DCDC1: variants seen among roughly 807,000 people sequenced by gnomAD.
The protein encoded by DCDC1 is doublecortin domain containing 1, also known as doublecortin domain-containing protein 1.
DCDC1 carries 200 observed loss-of-function variants against 178.3 expected under a neutral mutation model. That is an observed-to-expected ratio of 1.12 (90% CI 1.00 to 1.26). DCDC1 has a LOEUF of 1.26. DCDC1 is among the 50% of genes most tolerant of loss of function. The pLI is 0.00. For missense variants in DCDC1, 1,983 were observed against 1,749.2 expected (o/e 1.13, Z -2.38); for synonymous variants, 690 against 604.8 (o/e 1.14, Z -2.07).
intron 20 of DCDC1, among the ~76,000 whole-genome samples, chr11:31,012,954 T>C (rs1952262479): frequency 6.6e-6 from 1 of 152,148 alleles, no homozygotes; most frequent in Non-Finnish European, 1.5e-5. Flanking sequence ...GATCAGGAAA[T>C]GGTACACTGG....
Position 30,864,552 on chromosome 11 carries a change from G to T in DCDC1, c.*821C>A, listed in dbSNP as rs1940835024. 6.6e-6 allele frequency: 1 copy of T among 152,232 alleles called. No individual in the cohort carries two copies. Among genetic ancestry groups the T allele is most frequent in the South Asian group, 2.1e-4 (1 of 4,832 alleles). 9.4% of individuals were successfully genotyped at this position (152,232 alleles called of 1,614,324 possible). On this transcript the variant is annotated 3_prime_UTR_variant, in exon 39 of 39. Coordinates refer to ENST00000684477, the MANE Select transcript of DCDC1 (RefSeq NM_001387274.1). ...ATTCCCATTGTACTGTTGTAATTTTGGTTTGCGGCTCAGGCCAAGAGTAGA... is the reference window on the plus strand; with the variant it reads ...ATTCCCATTGTACTGTTGTAATTTTTGTTTGCGGCTCAGGCCAAGAGTAGA...
intron 1 of DCDC1, among the ~76,000 whole-genome samples, chr11:31,347,519 T>G (rs1374435047): frequency 1.3e-5 from 2 of 152,144 alleles, no homozygotes; most frequent in African/African-American, 2.4e-5. Context: ...ATTAACATGT[T>G]CATTTCATAC....
intron 20 of DCDC1, chr11:30,992,743 C>G (rs530681386): frequency 6.6e-6 from 1 of 152,096 alleles, no homozygotes; most frequent in African/African-American, 2.4e-5. Context: ...AGTCCAAAGT[C>G]TAGACATCTG....
chr11:31,234,220 A>C (rs1316580389), intron 9 of DCDC1, among the ~76,000 whole-genome samples: 1 of 152,164 alleles, frequency 6.6e-6, no homozygotes, highest in Non-Finnish European at 1.5e-5. Flanking sequence ...TATTTTAGGG[A>C]GGTTATGTAA....
rs572762720 is a variant in DCDC1, at chr11:30,960,764, TACTTGAAAACAC to T, written c.2592-8208_2592-8197del. Reference sequence around the variant, plus strand: ...AAACATCTCAGGCTTTGGAAGGACCTACTTGAAAACACTCATGTATACACACAGCCCACAAGG... The same window carrying T: ...AAACATCTCAGGCTTTGGAAGGACCTTCATGTATACACACAGCCCACAAGG... On this transcript the variant is annotated intron_variant, in intron 20 of 38. Transcript: ENST00000684477. Among the ~76,000 whole-genome samples the T allele has an allele frequency of 7.2e-3, 1,096 of 152,224 alleles. 5 individuals carry two copies. Among genetic ancestry groups the T allele is most frequent in the Admixed American group, 9.4e-3 (143 of 15,260 alleles).
At chr11:31,226,453 C>G (rs931774693) in intron 9 of DCDC1, among the ~76,000 whole-genome samples, 3 of 151,412 alleles carry the variant, frequency 2.0e-5, no homozygotes, top group African/African-American at 7.3e-5. Context: ...AGAAGGTAAA[C>G]CCCCGAATAA....
intron 9 of DCDC1, chr11:31,156,123 G>A (rs904099437): frequency 5.3e-5 from 8 of 152,060 alleles, no homozygotes; most frequent in African/African-American, 1.9e-4. Context: ...CAAAAACAAG[G>A]ATAAAATATA....
intron 7 of DCDC1, among the ~76,000 whole-genome samples, chr11:31,268,583 C>T (rs1416180648): frequency 6.6e-6 from 1 of 152,198 alleles, no homozygotes; most frequent in African/African-American, 2.4e-5. Context: ...CATAGTATTC[C>T]ATGGTGCATA....
Position 30,878,538 on chromosome 11 carries a change from C to CTA in DCDC1, c.*40+4_*40+5dup. On this transcript the variant is annotated splice_donor_region_variant and intron_variant, in intron 38 of 38. Transcript: ENST00000684477. Reference sequence around the variant, plus strand: ...AACAAACATGAGTATGTGCACATAGCTATACCAGAAAAATACAGCAGAAAA... The same window carrying CTA: ...AACAAACATGAGTATGTGCACATAGCTATATACCAGAAAAATACAGCAGAAAA... 3.8e-6 allele frequency: 6 copies of CTA among 1,559,932 alleles called. No homozygotes were observed. Among genetic ancestry groups the CTA allele is most frequent in the Non-Finnish European group, 5.2e-6 (6 of 1,157,456 alleles).
intron 1 of DCDC1, among the ~76,000 whole-genome samples, chr11:31,362,746 GAT>G (rs1277208282): frequency 2.0e-5 from 3 of 152,096 alleles, no homozygotes; most frequent in Admixed American, 6.6e-5. Flanking sequence ...TTAAAAATAT[GAT>G]ATTTTGTGGA....
chr11:30,980,450 A>T (rs758797960), intron 20 of DCDC1, among the ~76,000 whole-genome samples: 2 of 152,192 alleles, frequency 1.3e-5, no homozygotes, highest in Non-Finnish European at 2.9e-5. Flanking sequence ...TCATGCTACT[A>T]GTGTACAACT....
chr11:31,112,176 AATTCTCCAAACTG>A (rs1398730779), intron 11 of DCDC1, among the ~76,000 whole-genome samples: 5 of 152,172 alleles, frequency 3.3e-5, no homozygotes, highest in Non-Finnish European at 5.9e-5. Context: ...AAAACCTAAA[AATTCTCCAAACTG>A]AAATCTTAAG....
chr11:31,328,351 CTGGG>C lies in DCDC1; in HGVS notation c.-6-69_-6-66del, dbSNP rs1262028469. ...AATCCTACTAGATTACAAATAGAGGCTGGGCATTAAACACAACTTACTTGTCATC... is the reference window on the plus strand; with the variant it reads ...AATCCTACTAGATTACAAATAGAGGCCATTAAACACAACTTACTTGTCATC... On this transcript the variant is annotated intron_variant, in intron 2 of 38. Coordinates refer to ENST00000684477, the MANE Select transcript of DCDC1 (RefSeq NM_001387274.1). The C allele has an allele frequency of 7.6e-6, 11 of 1,451,780 alleles. No homozygotes were observed. In the Middle Eastern group the frequency reaches 7.9e-4, roughly 104 times the overall value. The allele number at this position is 1,451,780 out of a possible 1,614,324, so 89.9% of individuals were successfully genotyped here. A position where few individuals can be genotyped will look rare whatever the true frequency, so the allele number is the denominator to read the frequency against.
intron 9 of DCDC1, among the ~76,000 whole-genome samples, chr11:31,150,601 T>C (rs1965066732): frequency 6.6e-6 from 1 of 152,188 alleles, no homozygotes; most frequent in Non-Finnish European, 1.5e-5. Flanking sequence ...TCTTTCTATC[T>C]GTATAAAGAG....
chr11:31,104,236 G>C (rs79849641), intron 13 of DCDC1, among the ~76,000 whole-genome samples: 2,272 of 152,188 alleles, frequency 0.015, 49 homozygotes, highest in African/African-American at 0.051. Context: ...ACTGTTTTAA[G>C]TGAATTTGGA....
chr11:31,135,021 T>A (rs1178501072), intron 10 of DCDC1, among the ~76,000 whole-genome samples: 1 of 152,108 alleles, frequency 6.6e-6, no homozygotes, highest in African/African-American at 2.4e-5. Context: ...TTTAAAAAAA[T>A]TTTAAAAAAG....
intron 20 of DCDC1, among the ~76,000 whole-genome samples, chr11:31,034,806 A>G (rs899033321): frequency 6.6e-5 from 10 of 152,322 alleles, no homozygotes; most frequent in Admixed American, 4.6e-4. Context: ...GTCATGAAAT[A>G]CATTCTGATT....
Position 31,306,335 on chromosome 11 carries a change from A to C in DCDC1, c.488T>G (p.Leu163Trp). 6.2e-7 allele frequency: 1 copy of C among 1,610,128 alleles called. No individual in the cohort carries two copies. Among genetic ancestry groups the C allele is most frequent in the African/African-American group, 1.3e-5 (1 of 74,798 alleles). ...KFQSARNWQKLSQRHKLQPRV... is the reference protein window; with the variant it reads ...KFQSARNWQKWSQRHKLQPRV... ...TGGTTGAAGTTTGTGTCTTTGAGAC[A>C]ATTTCTGCCAATTCCGGGCTGACTG... The change falls in exon 5 of 39, where the codon TTG becomes TGG. Residue 163 changes from leucine to tryptophan, a missense_variant. Coordinates refer to ENST00000684477, the MANE Select transcript of DCDC1 (RefSeq NM_001387274.1).
chr11:31,353,001 A>G (rs907199843), intron 1 of DCDC1, among the ~76,000 whole-genome samples: 4 of 152,196 alleles, frequency 2.6e-5, no homozygotes, highest in Non-Finnish European at 5.9e-5. Flanking sequence ...CTTTTTCTAT[A>G]CACTATAACA....
Sources: gnomAD v4.1 joint callset for allele counts (sites outside exome capture counted in the v4.1 genomes callset) on GRCh38, gnomAD v4.1.1 for gene constraint, MANE v1.5 for transcripts, NCBI Gene and HGNC (gene_info 2026-07-23, HGNC 2026-07-21) for gene names.